The following MEGF10 variants were observed in gnomAD, a reference collection of about 807,000 sequenced individuals.
MEGF10 encodes the protein multiple epidermal growth factor-like domains protein 10.
In MEGF10, 86 loss-of-function variants were observed where a neutral mutation model predicts 147.5. The ratio of observed to expected loss-of-function variants is 0.58; its 90% CI spans 0.49 to 0.70. The LOEUF is 0.70. Ranked by LOEUF, MEGF10 falls within the 30% of genes least tolerant of loss-of-function variation. The pLI is 0.00. For synonymous variants in MEGF10, 478 were observed against 525.5 expected (o/e 0.91, Z 1.24); for missense variants, 1,329 against 1,487.3 (o/e 0.89, Z 1.75).
chr5:127,425,259 C>T (rs527489986), intron 13 of MEGF10, among the ~76,000 whole-genome samples: 11 of 152,338 alleles, frequency 7.2e-5, no homozygotes, highest in African/African-American at 2.2e-4. Context: ...CAAGCTCCTA[C>T]GGGAATGCAG....
chr5:127,445,721 T>A (rs892028620), intron 20 of MEGF10, 28 bp downstream of exon 20: 2 of 1,566,390 alleles, frequency 1.3e-6, no homozygotes, highest in African/African-American at 2.7e-5. Flanking sequence ...AGAGGCATTT[T>A]GCTTCTTGAA....
At chr5:127,332,459 C>T (rs933863397) in intron 2 of MEGF10, among the ~76,000 whole-genome samples, 4 of 152,104 alleles carry the variant, frequency 2.6e-5, no homozygotes, top group African/African-American at 9.7e-5. Context: ...GCATAAAGCC[C>T]AGAGCCTCTC....
At chr5:127,438,664 C>A in intron 17 of MEGF10, 97 bp downstream of exon 17, 1 of 1,390,944 alleles carries the variant, frequency 7.2e-7, no homozygotes, top group Non-Finnish European at 9.8e-7. Context: ...CAACAAAGGT[C>A]CCTGAGGTTG....
intron 1 of MEGF10, among the ~76,000 whole-genome samples, chr5:127,292,892 C>CT (rs112394041): frequency 0.39 from 58,670 of 152,062 alleles, 11,833 homozygotes; most frequent in Middle Eastern, 0.53. Flanking sequence ...TGAGTATTGG[C>CT]TTTATGTGCC....
intron 19 of MEGF10, chr5:127,444,672 T>C (rs1017630246): frequency 8.5e-5 from 13 of 152,240 alleles, no homozygotes; most frequent in African/African-American, 3.1e-4. Context: ...GGAAGAACTA[T>C]GTAATGCCCA....
intron 8 of MEGF10, 78 bp from the exon 9 acceptor site, chr5:127,410,311 A>C (rs1764504327): frequency 2.2e-5 from 31 of 1,388,300 alleles, no homozygotes; most frequent in African/African-American, 2.8e-5. Context: ...ATGCATAACA[A>C]AGCCATTCCA....
At chr5:127,234,467 C>A in the MEGF10 span, among the ~76,000 whole-genome samples, 1 of 152,188 alleles carries the variant, frequency 6.6e-6, no homozygotes, top group African/African-American at 2.4e-5. Flanking sequence ...ACATTCTGTA[C>A]CATTTTGTCC....
chr5:127,276,567 T>C, the MEGF10 span, among the ~76,000 whole-genome samples: 1 of 152,136 alleles, frequency 6.6e-6, no homozygotes, highest in African/African-American at 2.4e-5. Context: ...ACTGTGATGT[T>C]AAAAAGAATT....
At chr5:127,454,946 T>C (rs1470392057) in intron 23 of MEGF10, among the ~76,000 whole-genome samples, 1 of 152,170 alleles carries the variant, frequency 6.6e-6, no homozygotes, top group Non-Finnish European at 1.5e-5. Context: ...TGGTTACATG[T>C]TGACCAAGTT....
chr5:127,424,667 C>A, intron 13 of MEGF10: 4 of 776,296 alleles, frequency 5.2e-6, no homozygotes, highest in Non-Finnish European at 6.6e-6. Flanking sequence ...GTGCAATGGA[C>A]TTTATTTTCT....
intron 9 of MEGF10, among the ~76,000 whole-genome samples, chr5:127,414,317 A>G (rs1046009300): frequency 6.6e-6 from 1 of 151,908 alleles, no homozygotes; most frequent in Non-Finnish European, 1.5e-5. Flanking sequence ...TTGAATAAAT[A>G]ATTTACCCTT....
chr5:127,391,155 T>G (rs2008432), intron 5 of MEGF10, among the ~76,000 whole-genome samples: 1 of 16,442 alleles, frequency 6.1e-5, no homozygotes, highest in Admixed American at 4.6e-4. Flanking sequence ...CACACACACA[T>G]ACATGCTTAT....
At chr5:127,447,793 A>T in intron 21 of MEGF10, 109 bp downstream of exon 21, 1 of 1,332,970 alleles carries the variant, frequency 7.5e-7, no homozygotes, top group South Asian at 1.4e-5. Context: ...TACTTTACAT[A>T]TATTATCTAA....
In MEGF10 at chr5:127,290,936, T is replaced by G. The variant is rs1759224909; in HGVS notation, c.-139T>G. 1 of 152,304 alleles carries G rather than the reference T, an allele frequency of 6.6e-6. No individual in the cohort carries two copies. Among genetic ancestry groups the G allele is most frequent in the Admixed American group, 6.5e-5 (1 of 15,286 alleles). 9.4% of individuals were successfully genotyped at this position (152,304 alleles called of 1,614,324 possible). ...AAGAAGACTCCCAAAGATTGCTTTC[T>G]TCTGGGACGCTGCTTGGACGCTAAC... On this transcript the variant is annotated 5_prime_UTR_variant, in exon 1 of 25. Transcript: ENST00000503335.
chr5:127,337,429 A>C (rs1194069443), intron 2 of MEGF10, among the ~76,000 whole-genome samples: 2 of 152,106 alleles, frequency 1.3e-5, no homozygotes, highest in East Asian at 1.9e-4. Flanking sequence ...CAATAGCTTT[A>C]AATTTGAATT....
chr5:127,444,308 A>C (rs1054420866), intron 19 of MEGF10: 1 of 152,246 alleles, frequency 6.6e-6, no homozygotes, highest in Non-Finnish European at 1.5e-5. Flanking sequence ...TGGTAAAATG[A>C]CTTTTACATG....
At chr5:127,438,272 A>G (rs561794362) in intron 16 of MEGF10, among the ~76,000 whole-genome samples, 167 bp from the exon 17 acceptor site, 3 of 152,330 alleles carry the variant, frequency 2.0e-5, no homozygotes, top group African/African-American at 4.8e-5. Flanking sequence ...TGAAGTTGCC[A>G]TGGCCATCTG....
At chr5:127,249,353 G>GA in the MEGF10 span, among the ~76,000 whole-genome samples, 21 of 150,320 alleles carry the variant, frequency 1.4e-4, no homozygotes, top group Non-Finnish European at 3.1e-4. Context: ...GAGAGAGAGA[G>GA]AGAAGAAGAA....
chr5:127,440,966 A>G, intron 18 of MEGF10, 99 bp downstream of exon 18: 1 of 1,469,594 alleles, frequency 6.8e-7, no homozygotes, highest in South Asian at 1.3e-5. Context: ...CACCACTCCG[A>G]GGTTGTTTGA....
Sources: allele counts gnomAD v4.1 joint callset (sites outside exome capture counted in the v4.1 genomes callset), GRCh38; gene constraint gnomAD v4.1.1; transcripts MANE v1.5; gene names NCBI Gene and HGNC (gene_info 2026-07-23, HGNC 2026-07-21).